Variants in MYRIP observed in about 807,000 individuals in gnomAD.
MYRIP encodes myosin VIIA and Rab interacting protein.
MYRIP carries 49 observed loss-of-function variants against 98.0 expected under a neutral mutation model. The ratio of observed to expected loss-of-function variants is 0.50; its 90% CI spans 0.40 to 0.63. The LOEUF is 0.63. Ranked by LOEUF, MYRIP falls within the 30% of genes least tolerant of loss-of-function variation. MYRIP has a pLI of 0.00. For missense variants in MYRIP, 1,004 were observed against 1,058.2 expected, an observed-to-expected ratio of 0.95 and a Z score of 0.71; for synonymous variants, 404 against 409.5, an observed-to-expected ratio of 0.99 and a Z score of 0.16.
At chr3:40,071,039 C>CAA (rs1449091704) in intron 3 of MYRIP, 4 of 694,906 alleles carry the variant, frequency 5.8e-6, no homozygotes, top group Non-Finnish European at 7.1e-6. Context: ...AGATGTCAGG[C>CAA]AAAGCCAAAG....
chr3:40,185,862 G>A (rs1235528626), intron 9 of MYRIP, among the ~76,000 whole-genome samples: 1 of 152,056 alleles, frequency 6.6e-6, no homozygotes, highest in Non-Finnish European at 1.5e-5. Context: ...CTCATTGAGA[G>A]CTGCTCAATG....
At chr3:40,239,012 T>G (rs1307893937) in intron 12 of MYRIP, among the ~76,000 whole-genome samples, 1 of 150,906 alleles carries the variant, frequency 6.6e-6, no homozygotes, top group Non-Finnish European at 1.5e-5. Context: ...ACCCACTAAC[T>G]CGTCATCTAG....
In MYRIP at chr3:40,175,406, C is replaced by T. The variant is rs575568307; in HGVS notation, c.873+5313C>T. Among the ~76,000 whole-genome samples the T allele has an allele frequency of 2.6e-5, 4 of 152,310 alleles. 1 individual carries two copies. The South Asian group carries it at 8.3e-4, about 32-fold the overall frequency. On this transcript the variant is annotated intron_variant, in intron 8 of 16. Coordinates refer to ENST00000302541, the MANE Select transcript of MYRIP (RefSeq NM_015460.4). ...ACTCAGGAAGATGAGCCACAGATAC[C>T]CCAACAGCAATGACAGGAAATGACC...
At chr3:40,050,576 C>G (rs1196583814) in intron 3 of MYRIP, among the ~76,000 whole-genome samples, 1 of 152,116 alleles carries the variant, frequency 6.6e-6, no homozygotes, top group Non-Finnish European at 1.5e-5. Flanking sequence ...TGCCTGCTAA[C>G]ATAATATCCA....
chr3:40,016,392 A>C (rs975188815), intron 2 of MYRIP, among the ~76,000 whole-genome samples: 1 of 152,100 alleles, frequency 6.6e-6, no homozygotes, highest in Non-Finnish European at 1.5e-5. Flanking sequence ...GTCGTCCTCC[A>C]CCAAACAGGA....
intron 2 of MYRIP, among the ~76,000 whole-genome samples, chr3:39,922,558 A>T (rs920962064): frequency 6.6e-6 from 1 of 152,112 alleles, no homozygotes; most frequent in Non-Finnish European, 1.5e-5. Context: ...GCCCAGTAAC[A>T]ATGAGGCCAC....
At chr3:40,233,688 C>T (rs1952732258) in intron 11 of MYRIP, among the ~76,000 whole-genome samples, 171 bp from the exon 12 acceptor site, 1 of 152,198 alleles carries the variant, frequency 6.6e-6, no homozygotes, top group Non-Finnish European at 1.5e-5. Context: ...CCCCTCAGTT[C>T]TCTTCTGCTG....
At chr3:39,876,804 C>T (rs1435861047) in intron 1 of MYRIP, among the ~76,000 whole-genome samples, 2 of 152,122 alleles carry the variant, frequency 1.3e-5, no homozygotes, top group Non-Finnish European at 2.9e-5. Context: ...TTTGGTGAAT[C>T]TGACAATTAT....
intron 2 of MYRIP, among the ~76,000 whole-genome samples, chr3:39,978,244 A>G (rs1474983971): frequency 6.6e-6 from 1 of 152,198 alleles, no homozygotes; most frequent in African/African-American, 2.4e-5. Context: ...AGAGAAATTT[A>G]GATAAGCTGT....
chr3:40,202,163 G>A (rs1244443111), intron 10 of MYRIP, among the ~76,000 whole-genome samples: 2 of 152,092 alleles, frequency 1.3e-5, no homozygotes, highest in African/African-American at 4.8e-5. Context: ...TCATCAACAG[G>A]AATGAGGAGA....
chr3:40,031,627 A>G (rs1263766696), intron 2 of MYRIP, among the ~76,000 whole-genome samples: 1 of 152,138 alleles, frequency 6.6e-6, no homozygotes, highest in Non-Finnish European at 1.5e-5. Context: ...AAGTTTCTTT[A>G]CCTGGACCAT....
intron 3 of MYRIP, among the ~76,000 whole-genome samples, chr3:40,119,755 G>A (rs1949359984): frequency 6.6e-6 from 1 of 152,012 alleles, no homozygotes; most frequent in African/African-American, 2.4e-5. Context: ...ACATCACACT[G>A]GGGACTGTTG....
intron 10 of MYRIP, among the ~76,000 whole-genome samples, chr3:40,195,987 A>G (rs1951376933): frequency 6.6e-6 from 1 of 152,104 alleles, no homozygotes; most frequent in Non-Finnish European, 1.5e-5. Flanking sequence ...CATCTATTTA[A>G]TCTAGATTTT....
At chr3:39,981,308 T>A (rs979168113) in intron 2 of MYRIP, among the ~76,000 whole-genome samples, 1 of 152,254 alleles carries the variant, frequency 6.6e-6, no homozygotes, top group African/African-American at 2.4e-5. Context: ...ATCTGGGTTG[T>A]ATTCTTCCCT....
At chr3:39,950,610 G>A (rs1451656802) in intron 2 of MYRIP, among the ~76,000 whole-genome samples, 1 of 152,102 alleles carries the variant, frequency 6.6e-6, no homozygotes, top group East Asian at 1.9e-4. Context: ...TAGGATGACT[G>A]GGTCTCTCTT....
intron 3 of MYRIP, among the ~76,000 whole-genome samples, chr3:40,119,365 G>T (rs968314071): frequency 6.6e-6 from 1 of 152,250 alleles, no homozygotes; most frequent in African/African-American, 2.4e-5. Flanking sequence ...TCTCCAGGAT[G>T]TGTTCTTATG....
At chr3:40,182,417 A>G (rs370715740) in intron 9 of MYRIP, 44 bp downstream of exon 9, 552 of 1,582,186 alleles carry the variant, frequency 3.5e-4, no homozygotes, top group Non-Finnish European at 4.7e-4. Flanking sequence ...GGGTTTCAAA[A>G]GTGTGGTTTG....
chr3:39,912,816 G>T (rs967383752), intron 2 of MYRIP, among the ~76,000 whole-genome samples: 1 of 152,216 alleles, frequency 6.6e-6, no homozygotes, highest in African/African-American at 2.4e-5. Context: ...GAGGCAGGCA[G>T]ATCACCTGAG....
intron 1 of MYRIP, among the ~76,000 whole-genome samples, chr3:39,827,929 T>G (rs1015123072): frequency 8.5e-5 from 13 of 152,154 alleles, no homozygotes; most frequent in African/African-American, 3.1e-4. Flanking sequence ...TCTCCTGTCC[T>G]GTAAAATTTC....
Sources: gnomAD v4.1 joint callset for allele counts (sites outside exome capture counted in the v4.1 genomes callset) on GRCh38, gnomAD v4.1.1 for gene constraint, MANE v1.5 for transcripts, NCBI Gene and HGNC (gene_info 2026-07-23, HGNC 2026-07-21) for gene names.